Variants in WBP11 observed in about 807,000 individuals in gnomAD.
The protein encoded by WBP11 is WW domain binding protein 11, also known as WW domain-binding protein 11.
Under a neutral mutation model 66.7 loss-of-function variants are expected in WBP11, and 12 were observed. The ratio of observed to expected loss-of-function variants is 0.18; its 90% confidence interval spans 0.12 to 0.29. WBP11 has a LOEUF of 0.29. WBP11 is among the 10% of genes least tolerant of loss of function. The pLI, the probability that WBP11 is intolerant of heterozygous loss-of-function variation, is 1.00. For missense variants in WBP11, 555 were observed against 818.3 expected (o/e 0.68, Z 3.93); for synonymous variants, 255 against 273.8 (o/e 0.93, Z 0.68).
At chr12:14,795,211 C>T in intron 5 of WBP11, 107 bp from the exon 6 acceptor site, 2 of 1,222,144 alleles carry the variant, frequency 1.6e-6, no homozygotes, top group Non-Finnish European at 1.1e-6. Flanking sequence ...TTCCAACTAA[C>T]ATAAATATCA....
At chr12:14,800,510 A>AT (rs1555174471) in intron 3 of WBP11, among the ~76,000 whole-genome samples, 1 of 152,098 alleles carries the variant, frequency 6.6e-6, no homozygotes, top group African/African-American at 2.4e-5. Flanking sequence ...TTTCAAAAGT[A>AT]TTTTTTAACT....
chr12:14,801,468 A>C (rs1949961846), intron 1 of WBP11, 40 bp from the exon 2 acceptor site: 1 of 1,337,816 alleles, frequency 7.5e-7, no homozygotes. Flanking sequence ...ATATCTCCTA[A>C]ATGTATTTCT....
chr12:14,790,864 A>G, intron 9 of WBP11, 115 bp from the exon 10 acceptor site: 1 of 1,019,314 alleles, frequency 9.8e-7, no homozygotes, highest in Non-Finnish European at 1.4e-6. Flanking sequence ...TAAAAACCAA[A>G]TAGTCTTCTT....
rs1949758868 is a variant in WBP11, at chr12:14,786,797, T to A, written c.*268A>T. 9.1e-6 allele frequency: 3 copies of A among 329,022 alleles called. No homozygotes were observed. The highest frequency in any genetic ancestry group is 1.7e-5 in the Non-Finnish European group (3 of 178,536). The allele number at this position is 329,022 out of a possible 1,614,324, so 20.4% of individuals were successfully genotyped here. ...CCCCGATCACAAATTTCCAAAGAAC[T>A]GGAGGAGGGGAAGAAACAGGGTGAA... is the stretch of plus-strand genomic sequence containing the variant. On this transcript the variant is annotated 3_prime_UTR_variant, in exon 12 of 12. Transcript: ENST00000261167.
chr12:14,800,010 C>G (rs934335354), intron 3 of WBP11, among the ~76,000 whole-genome samples: 1 of 151,972 alleles, frequency 6.6e-6, no homozygotes, highest in African/African-American at 2.4e-5. Context: ...TTTTTTTTAA[C>G]CCCTTATGTT....
Position 14,784,618 on chromosome 12 carries a change from A to G in WBP11, c.*2447T>C, listed in dbSNP as rs1949731359. On this transcript the variant is annotated 3_prime_UTR_variant, in exon 12 of 12. Coordinates refer to ENST00000261167, the MANE Select transcript of WBP11 (RefSeq NM_016312.3). ...AGATATTTTAATCAAGAGCACAAAC[A>G]AGAATATACAAAATGAGAACTGAAA... 6.6e-6 allele frequency: 1 copy of G among 152,190 alleles called. No homozygotes were observed. Among genetic ancestry groups the G allele is most frequent in the African/African-American group, 2.4e-5 (1 of 41,452 alleles). The allele number at this position is 152,190 out of a possible 1,614,324, so 9.4% of individuals were successfully genotyped here.
Position 14,796,690 on chromosome 12 carries a change from TA to T in WBP11, c.387+116del, listed in dbSNP as rs71038636. Reference sequence around the variant, plus strand: ...ATATACACAAAAACAAAACAAAATATAAAAAAAACCCAACAACCCTAAATCC... The same window carrying T: ...ATATACACAAAAACAAAACAAAATATAAAAAAACCCAACAACCCTAAATCC... On this transcript the variant is annotated intron_variant, in intron 5 of 11. Transcript: ENST00000261167. The surrounding 1 kb of genome is among the most constrained non-coding windows in gnomAD (Gnocchi z 4.5). 3.6e-5 allele frequency: 34 copies of T among 935,256 alleles called. No individual in the cohort carries two copies. Among genetic ancestry groups the T allele is most frequent in the Non-Finnish European group, 5.0e-5 (33 of 666,344 alleles). The allele number at this position is 935,256 out of a possible 1,614,324, so 57.9% of individuals were successfully genotyped here. A position where few individuals can be genotyped will look rare whatever the true frequency, so the allele number is the denominator to read the frequency against.
chr12:14,787,546 T>C, intron 11 of WBP11, 48 bp from the exon 12 acceptor site: 4 of 1,412,528 alleles, frequency 2.8e-6, no homozygotes, highest in Non-Finnish European at 1.9e-6. Context: ...ACTAATAAAA[T>C]TTAACTACTA....
In WBP11 at chr12:14,796,405, T is replaced by C. The variant is rs1949894867; in HGVS notation, c.387+402A>G. ...AGAAGAAACTGCTATAAGGAAGAGG[T>C]TCAACATGACATTCTCCCATTAACT... On this transcript the variant is annotated intron_variant, in intron 5 of 11. Coordinates refer to ENST00000261167, the MANE Select transcript of WBP11 (RefSeq NM_016312.3). The surrounding 1 kb of genome is among the most constrained non-coding windows in gnomAD (Gnocchi z 4.5). 6.6e-6 allele frequency among the ~76,000 whole-genome samples: 1 copy of C among 152,072 alleles called. No individual in the cohort carries two copies. The highest frequency in any genetic ancestry group is 6.6e-5 in the Admixed American group (1 of 15,266).
intron 5 of WBP11, 130 bp from the exon 6 acceptor site, chr12:14,795,234 A>C: frequency 1.9e-6 from 2 of 1,027,174 alleles, no homozygotes; most frequent in Non-Finnish European, 2.7e-6. Context: ...AAAAACCCCC[A>C]GAAAAATAAC....
intron 6 of WBP11, 29 bp from the exon 7 acceptor site, chr12:14,794,765 A>T: frequency 6.5e-7 from 1 of 1,533,090 alleles, no homozygotes; most frequent in Non-Finnish European, 8.7e-7. Flanking sequence ...AAAACAAAAA[A>T]ACCCCCACAG....
Position 14,786,491 on chromosome 12 carries a change from T to C in WBP11, c.*574A>G, listed in dbSNP as rs1234607151. 1 of 152,368 alleles carries C rather than the reference T, an allele frequency of 6.6e-6. No homozygotes were observed. Among genetic ancestry groups the C allele is most frequent in the African/African-American group, 2.4e-5 (1 of 41,446 alleles). 9.4% of individuals were successfully genotyped at this position (152,368 alleles called of 1,614,324 possible). ...ACACAGAGTATCTTGGTGTAGAACA[T>C]TTATTTATTTTTCCCACAAATCACT... On this transcript the variant is annotated 3_prime_UTR_variant, in exon 12 of 12. Coordinates refer to ENST00000261167, the MANE Select transcript of WBP11 (RefSeq NM_016312.3).
Position 14,786,138 on chromosome 12 carries a change from T to C in WBP11, c.*927A>G, listed in dbSNP as rs1017649400. Reference sequence around the variant, plus strand: ...TTCTGATTCTTTTATAGCTTAAAAATGGTTTAAAATGACTTTTGCCATTCA... The same window carrying C: ...TTCTGATTCTTTTATAGCTTAAAAACGGTTTAAAATGACTTTTGCCATTCA... On this transcript the variant is annotated 3_prime_UTR_variant, in exon 12 of 12. Transcript: ENST00000261167. 1.3e-5 allele frequency: 2 copies of C among 152,212 alleles called. No homozygotes were observed. Among genetic ancestry groups the C allele is most frequent in the Admixed American group, 1.3e-4 (2 of 15,280 alleles). The allele number at this position is 152,212 out of a possible 1,614,324, so 9.4% of individuals were successfully genotyped here.
chr12:14,800,968 C>G (rs190451613), intron 2 of WBP11, 185 bp from the exon 3 acceptor site: 1 of 502,330 alleles, frequency 2.0e-6, no homozygotes, highest in East Asian at 3.1e-5. Flanking sequence ...CCAAAAATGT[C>G]AAGACATTTT....
rs1019761369 is a variant in WBP11, at chr12:14,790,830, G to A, written c.1016-81C>T. The A allele has an allele frequency of 3.0e-6, 4 of 1,319,130 alleles. No homozygotes were observed. The South Asian group carries it at 4.2e-5, about 14-fold the overall frequency. 81.7% of individuals were successfully genotyped at this position (1,319,130 alleles called of 1,614,324 possible). A position where few individuals can be genotyped will look rare whatever the true frequency, so the allele number is the denominator to read the frequency against. On this transcript the variant is annotated intron_variant, in intron 9 of 11. Transcript: ENST00000261167. ...AGAACAGCAATGACTGAATACACAT[G>A]GTTAATAAATGTGTTCTCAAAATTA... is the stretch of plus-strand genomic sequence containing the variant.
Position 14,788,957 on chromosome 12 carries a change from G to T in WBP11, c.1486C>A (p.Pro496Thr). ...TAGAAATTGAAAGCATCACCTGGAGGTGCAGGGGGAGGTAGCCTTGGTGGG... is the reference window on the plus strand; with the variant it reads ...TAGAAATTGAAAGCATCACCTGGAGTTGCAGGGGGAGGTAGCCTTGGTGGG... ...GPPPRLPPPA[P>T]PGIPPPRPGM... The change falls in exon 11 of 12, where the codon CCT becomes ACT. Residue 496 changes from proline (P) to threonine (T), a missense_variant. Pro to Thr is a conservative substitution (Grantham distance 38, BLOSUM62 -1). This residue lies in a region of WBP11 where 230 missense variants were observed against 286.3 expected (regional missense o/e 0.80). Transcript: ENST00000261167. The T allele has an allele frequency of 2.1e-6, 3 of 1,448,338 alleles. No individual in the cohort carries two copies. Among genetic ancestry groups the T allele is most frequent in the South Asian group, 3.2e-5 (2 of 63,118 alleles). The allele number at this position is 1,448,338 out of a possible 1,614,324, so 89.7% of individuals were successfully genotyped here.
In WBP11 at chr12:14,801,393, T is replaced by C; in HGVS notation, c.-10A>G. On this transcript the variant is annotated 5_prime_UTR_variant, in exon 2 of 12. Transcript: ENST00000261167. ...TAGATCTCCGTCCCATGTTGACAAT[T>C]TGTATGGTTTACTTGTTCATTAAAA... 1.2e-6 allele frequency: 2 copies of C among 1,612,624 alleles called. No individual in the cohort carries two copies. The highest frequency in any genetic ancestry group is 1.7e-6 in the Non-Finnish European group (2 of 1,179,486).
chr12:14,794,514 G>A, intron 7 of WBP11, 23 bp downstream of exon 7: 3 of 1,611,844 alleles, frequency 1.9e-6, no homozygotes, highest in Non-Finnish European at 2.5e-6. Context: ...AGTTATAAAA[G>A]CAAAAGAACA....
rs773013460 is a variant in WBP11, at chr12:14,793,728, T to C, written c.913+3A>G. ...ATACCATGAATCCTTCATCTGCACA[T>C]ACCTGACTTCTTTTCTTCATTGTTG... On this transcript the variant is annotated splice_donor_region_variant and intron_variant, in intron 8 of 11. Transcript: ENST00000261167. 3.7e-6 allele frequency: 6 copies of C among 1,613,710 alleles called. No homozygotes were observed. Among genetic ancestry groups the C allele is most frequent in the Non-Finnish European group, 5.1e-6 (6 of 1,179,756 alleles).
Sources: gnomAD v4.1 joint callset for allele counts (sites outside exome capture counted in the v4.1 genomes callset) on GRCh38, gnomAD v4.1.1 for gene constraint, gnomAD v4.1.1 regional missense constraint, Gnocchi (gnomAD v3.1) non-coding constraint, MANE v1.5 for transcripts, NCBI Gene and HGNC (gene_info 2026-07-23, HGNC 2026-07-21) for gene names.